The following WWOX variants were observed in gnomAD, a reference collection of about 807,000 sequenced individuals.
WWOX encodes WW domain-containing oxidoreductase.
WWOX carries 69 observed loss-of-function variants against 46.2 expected under a neutral mutation model. The ratio of observed to expected loss-of-function variants is 1.49; its 90% CI spans 1.23 to 1.82. The LOEUF (loss-of-function observed/expected upper bound fraction) is 1.82, where lower values mean the gene tolerates loss of function less well. Ranked by LOEUF, WWOX falls within the 40% of genes most tolerant of loss-of-function variation. The pLI is 0.00. For missense variants in WWOX, 919 were observed against 542.6 expected, an observed-to-expected ratio of 1.69 and a Z score of -6.89; for synonymous variants, 359 against 202.6, an observed-to-expected ratio of 1.77 and a Z score of -6.56.
At chr16:78,624,453 A>G (rs140690054) in intron 8 of WWOX, among the ~76,000 whole-genome samples, 234 of 152,266 alleles carry the variant, frequency 1.5e-3, no homozygotes, top group African/African-American at 5.4e-3. Context: ...ATACTGACTC[A>G]TATCTTATTT....
intron 5 of WWOX, among the ~76,000 whole-genome samples, chr16:78,295,713 A>AAAAC (rs34994613): frequency 0.078 from 11,781 of 151,346 alleles, 705 homozygotes; most frequent in African/African-American, 0.17. Context: ...TCAGTCTTAA[A>AAAAC]AAACAAACAA....
At chr16:78,820,702 C>A (rs2151143336) in intron 8 of WWOX, among the ~76,000 whole-genome samples, 1 of 152,262 alleles carries the variant, frequency 6.6e-6, no homozygotes, top group African/African-American at 2.4e-5. Context: ...CCTGCCATAA[C>A]AAATTATCGC....
chr16:78,483,519 T>C (rs2084549830), intron 8 of WWOX, among the ~76,000 whole-genome samples: 1 of 151,946 alleles, frequency 6.6e-6, no homozygotes, highest in Non-Finnish European at 1.5e-5. Flanking sequence ...TATAATGTAT[T>C]TGTGCTAGCT....
intron 8 of WWOX, among the ~76,000 whole-genome samples, chr16:78,621,815 C>G (rs1274279457): frequency 6.6e-6 from 1 of 151,796 alleles, no homozygotes; most frequent in Non-Finnish European, 1.5e-5. Context: ...CCATGTTAGC[C>G]AGGATGGTCT....
At chr16:79,121,301 G>A (rs1423248812) in intron 8 of WWOX, among the ~76,000 whole-genome samples, 1 of 152,178 alleles carries the variant, frequency 6.6e-6, no homozygotes, top group Non-Finnish European at 1.5e-5. Context: ...CAGCATTTGT[G>A]AAAACTCGCT....
intron 6 of WWOX, among the ~76,000 whole-genome samples, chr16:78,395,509 C>G (rs1281806834): frequency 6.6e-6 from 1 of 151,838 alleles, no homozygotes. Context: ...CAGAACCTGT[C>G]TTGTAAAGAA....
chr16:78,411,611 T>G (rs2082681982), intron 6 of WWOX, among the ~76,000 whole-genome samples: 1 of 152,140 alleles, frequency 6.6e-6, no homozygotes, highest in Non-Finnish European at 1.5e-5. Flanking sequence ...TAGCAGACAT[T>G]TAGGAACCAT....
chr16:78,606,721 T>C (rs1273258783), intron 8 of WWOX, among the ~76,000 whole-genome samples: 4 of 49,276 alleles, frequency 8.1e-5, no homozygotes, highest in Non-Finnish European at 3.2e-4. Flanking sequence ...AATTGCAGTT[T>C]TTTTTTTTTT....
intron 5 of WWOX, among the ~76,000 whole-genome samples, chr16:78,352,477 G>A (rs2081205313): frequency 6.6e-6 from 1 of 152,140 alleles, no homozygotes; most frequent in Non-Finnish European, 1.5e-5. Context: ...TTGGCTCATG[G>A]CCCCTTCCTC....
At chr16:78,230,750 G>A (rs1420127988) in intron 5 of WWOX, among the ~76,000 whole-genome samples, 1 of 152,206 alleles carries the variant, frequency 6.6e-6, no homozygotes, top group Non-Finnish European at 1.5e-5. Context: ...AGCAGGGGAG[G>A]CATGATCTGG....
At chr16:78,164,366 A>C in intron 5 of WWOX, 77 bp downstream of exon 5, 2 of 1,276,526 alleles carry the variant, frequency 1.6e-6, no homozygotes, top group East Asian at 2.4e-5. Flanking sequence ...ATTTCAGTGG[A>C]GTGTGTAAAG....
intron 5 of WWOX, among the ~76,000 whole-genome samples, chr16:78,335,281 C>T (rs1454869792): frequency 2.0e-5 from 3 of 152,166 alleles, no homozygotes; most frequent in African/African-American, 4.8e-5. Context: ...GATGCTCTTC[C>T]CACCACCTGC....
At chr16:78,578,280 A>T (rs527866214) in intron 8 of WWOX, among the ~76,000 whole-genome samples, 2,348 of 35,164 alleles carry the variant, frequency 0.067, 101 homozygotes, top group African/African-American at 0.086. Context: ...ATATATATAT[A>T]TATATTTTTT....
intron 1 of WWOX, 56 bp from the exon 2 acceptor site, chr16:78,108,367 A>G (rs1408567972): frequency 6.5e-7 from 1 of 1,549,066 alleles, no homozygotes; most frequent in African/African-American, 1.4e-5. Context: ...ACAATTGATT[A>G]CTTTTTAGAA....
At chr16:78,352,935 T>G (rs1403512428) in intron 5 of WWOX, among the ~76,000 whole-genome samples, 1 of 152,240 alleles carries the variant, frequency 6.6e-6, no homozygotes, top group African/African-American at 2.4e-5. Flanking sequence ...GCTTATAGTT[T>G]ATTTTATTCT....
chr16:78,563,490 AACACACACAC>A lies in WWOX; in HGVS notation c.1056+130755_1056+130764del, dbSNP rs61298369. Among the ~76,000 whole-genome samples the A allele has an allele frequency of 1.5e-3, 207 of 137,872 alleles. 2 individuals carry two copies. Among genetic ancestry groups the A allele is most frequent in the African/African-American group, 5.4e-3 (195 of 36,242 alleles). The allele number at this position is 137,872 out of a possible 152,430, so 90.4% of individuals were successfully genotyped here. A position where few individuals can be genotyped will look rare whatever the true frequency, so the allele number is the denominator to read the frequency against. On this transcript the variant is annotated intron_variant, in intron 8 of 8. Coordinates refer to ENST00000566780, the MANE Select transcript of WWOX (RefSeq NM_016373.4). ...CAGGATACGGGCACTCGTGTGGGTG[AACACACACAC>A]ACACACACACACACACGCTTTTTTT...
At position 79,008,117 on chromosome 16, in the gene WWOX, A is replaced by T. The variant is rs114073431; in HGVS notation, c.1057-203491A>T. Reference sequence around the variant, plus strand: ...AGGCCCTTGGTTATTAACAGAATTCATTTTCTTGTAACTGTAGGACTGAGG... The same window carrying T: ...AGGCCCTTGGTTATTAACAGAATTCTTTTTCTTGTAACTGTAGGACTGAGG... On this transcript the variant is annotated intron_variant, in intron 8 of 8. Coordinates refer to ENST00000566780, the MANE Select transcript of WWOX (RefSeq NM_016373.4). Among the ~76,000 whole-genome samples, 455 of 152,012 alleles carry T rather than the reference A, an allele frequency of 3.0e-3. 5 individuals are homozygous for T. The highest frequency in any genetic ancestry group is 0.011 in the African/African-American group (438 of 41,454).
chr16:78,481,432 G>T (rs2084483109), intron 8 of WWOX, among the ~76,000 whole-genome samples: 1 of 152,034 alleles, frequency 6.6e-6, no homozygotes, highest in Non-Finnish European at 1.5e-5. Flanking sequence ...CATAAATGGG[G>T]AAAAAAGTCA....
At chr16:78,159,025 A>G (rs767047029) in intron 4 of WWOX, among the ~76,000 whole-genome samples, 1 of 152,082 alleles carries the variant, frequency 6.6e-6, no homozygotes, top group Non-Finnish European at 1.5e-5. Context: ...TGTATCATGT[A>G]GTATTTGTCC....
Sources: gnomAD v4.1 joint callset for allele counts (sites outside exome capture counted in the v4.1 genomes callset) on GRCh38, gnomAD v4.1.1 for gene constraint, MANE v1.5 for transcripts, NCBI Gene and HGNC (gene_info 2026-07-23, HGNC 2026-07-21) for gene names.